Variants in SAA2 observed in about 807,000 individuals in gnomAD.
SAA2 encodes the protein serum amyloid A2.
Under a neutral mutation model 9.1 loss-of-function variants are expected in SAA2, and 5 were observed. The ratio of observed to expected loss-of-function variants is 0.55; its 90% CI spans 0.29 to 1.16. The LOEUF (loss-of-function observed/expected upper bound fraction) is 1.16. Ranked by LOEUF, SAA2 falls within the 50% of genes most tolerant of loss-of-function variation. SAA2 has a pLI of 0.09. For synonymous variants in SAA2, 49 were observed against 59.8 expected (o/e 0.82, Z 0.83); for missense variants, 94 against 153.8 (o/e 0.61, Z 2.06).
At chr11:18,239,840 C>G (rs1857290408) in exon 4 of SAA2, 1 of 1,418,082 alleles carries the variant, frequency 7.1e-7, no homozygotes. Context: ...GCACAGGTTC[C>G]AAAGGCCATG....
intron 2 of SAA2, among the ~76,000 whole-genome samples, chr11:18,246,630 C>A (rs1448234495): frequency 1.3e-5 from 2 of 152,216 alleles, no homozygotes; most frequent in Admixed American, 6.5e-5. Flanking sequence ...TTCCCGGGTT[C>A]AAGTGATTTT....
At chr11:18,242,571 C>T (rs1441693776), downstream of SAA2, 1 of 533,292 alleles carries the variant, frequency 1.9e-6, no homozygotes, top group Non-Finnish European at 3.3e-6. Flanking sequence ...GTAGGCTGGG[C>T]TCAGTGACTC....
At chr11:18,240,144 A>G (rs1021179547) in intron 3 of SAA2, 3 of 841,460 alleles carry the variant, frequency 3.6e-6, no homozygotes, top group Middle Eastern at 2.8e-4. Context: ...GAAGTCATAA[A>G]TGATTATTAG....
At chr11:18,239,928 A>G (rs1223172179) in exon 4 of SAA2, 1 of 1,549,316 alleles carries the variant, frequency 6.5e-7, no homozygotes, top group Admixed American at 2.0e-5. Context: ...GTGAAGAAAA[A>G]AGGCTTCTTC....
Position 18,246,832 on chromosome 11 carries a change from T to G in SAA2, c.92-784A>C, listed in dbSNP as rs145139507. Among the ~76,000 whole-genome samples, 745 of 152,092 alleles carry G rather than the reference T, an allele frequency of 4.9e-3. 4 individuals are homozygous for G. The highest frequency in any genetic ancestry group is 0.017 in the African/African-American group (699 of 41,340). On this transcript the variant is annotated intron_variant, in intron 2 of 3. Transcript: ENST00000256733. ...ACAGGCGTGAGCCTTGGCTGCACTT[T>G]CTAATCACCCAGAGAGAAACTGAAA... is the stretch of plus-strand genomic sequence containing the variant.
At chr11:18,238,902 T>G (rs999118110), downstream of SAA2, among the ~76,000 whole-genome samples, 2 of 149,120 alleles carry the variant, frequency 1.3e-5, no homozygotes, top group Non-Finnish European at 3.0e-5. Flanking sequence ...ATCCCACAAA[T>G]AAGTGAGAAC....
chr11:18,243,272 A>G (rs1857400858), downstream of SAA2, among the ~76,000 whole-genome samples: 1 of 152,192 alleles, frequency 6.6e-6, no homozygotes, highest in Non-Finnish European at 1.5e-5. Flanking sequence ...AGTTTTGAAT[A>G]TCTACAAAGA....
downstream of SAA2, chr11:18,242,549 A>G: frequency 2.1e-6 from 1 of 487,698 alleles, no homozygotes; most frequent in Non-Finnish European, 3.6e-6. Context: ...CGACACAAAA[A>G]TAAATATAAC....
At chr11:18,246,549 T>C (rs1857550900) in intron 2 of SAA2, among the ~76,000 whole-genome samples, 1 of 152,210 alleles carries the variant, frequency 6.6e-6, no homozygotes, top group African/African-American at 2.4e-5. Flanking sequence ...TTTTTATTTT[T>C]TTAGACGGAG....
chr11:18,240,160 A>C, intron 3 of SAA2: 2 of 755,670 alleles, frequency 2.6e-6, no homozygotes, highest in Non-Finnish European at 4.5e-6. Context: ...ATTAGGAAGA[A>C]TGAGTGGACC....
chr11:18,240,609 CA>C (rs1857320193), downstream of SAA2, among the ~76,000 whole-genome samples: 1 of 152,078 alleles, frequency 6.6e-6, no homozygotes, highest in South Asian at 2.1e-4. Context: ...ACAAAGTCAA[CA>C]AAAACATACA....
intron 2 of SAA2, among the ~76,000 whole-genome samples, chr11:18,247,282 C>T (rs1161251205): frequency 1.2e-4 from 18 of 150,988 alleles, no homozygotes; most frequent in African/African-American, 2.9e-4. Context: ...CCTGACAGAG[C>T]GAGGCTAAAG....
At chr11:18,240,091 C>A in intron 3 of SAA2, 1 of 1,347,534 alleles carries the variant, frequency 7.4e-7, no homozygotes, top group Non-Finnish European at 1.0e-6. Context: ...ATATACTATT[C>A]TTCATAGGGG....
intron 2 of SAA2, among the ~76,000 whole-genome samples, chr11:18,246,812 C>T (rs1238129292): frequency 1.4e-4 from 21 of 152,306 alleles, no homozygotes; most frequent in Middle Eastern, 3.4e-3. Flanking sequence ...GAATTACAGG[C>T]GTGAGCCTTG....
Position 18,246,063 on chromosome 11 carries a change from A to C in SAA2, c.92-15T>G. On this transcript the variant is annotated splice_polypyrimidine_tract_variant and intron_variant, in intron 2 of 3. Transcript: ENST00000256733. ...GTCCCGAGCCCCTGGAAAGGAAAGG[A>C]AAGGCAGAAGGGACATCAGGAGAAC... is the stretch of plus-strand genomic sequence containing the variant. The C allele has an allele frequency of 6.2e-7, 1 of 1,612,222 alleles. No homozygotes were observed. The highest frequency in any genetic ancestry group is 8.5e-7 in the Non-Finnish European group (1 of 1,179,288).
At chr11:18,239,793 C>T in exon 4 of SAA2, 3 of 885,648 alleles carry the variant, frequency 3.4e-6, no homozygotes, top group Non-Finnish European at 4.9e-6. Flanking sequence ...TCTTCAGTCT[C>T]CATCCACATG....
At chr11:18,248,206 G>A (rs538229431) in intron 1 of SAA2, among the ~76,000 whole-genome samples, 191 bp from the exon 2 acceptor site, 1 of 125,698 alleles carries the variant, frequency 8.0e-6, no homozygotes, top group African/African-American at 2.5e-5. Context: ...CAGCCCTGAA[G>A]CCTGACTGCA....
chr11:18,238,272 TAGAG>T (rs1857250115), downstream of SAA2, among the ~76,000 whole-genome samples: 1 of 152,212 alleles, frequency 6.6e-6, no homozygotes, highest in Admixed American at 6.5e-5. Context: ...TTTATCACAT[TAGAG>T]AAACTTTTTA....
At chr11:18,246,115 G>C in intron 2 of SAA2, 67 bp from the exon 3 acceptor site, 1 of 1,504,252 alleles carries the variant, frequency 6.6e-7, no homozygotes, top group Non-Finnish European at 9.1e-7. Flanking sequence ...CACCTTAGAG[G>C]GGAATGAAAG....
Sources: gnomAD v4.1 joint callset for allele counts (sites outside exome capture counted in the v4.1 genomes callset) on GRCh38, gnomAD v4.1.1 for gene constraint, MANE v1.5 for transcripts, NCBI Gene and HGNC (gene_info 2026-07-23, HGNC 2026-07-21) for gene names.